CACNA1E: variants seen among roughly 807,000 people sequenced by gnomAD.
CACNA1E encodes the protein voltage-dependent R-type calcium channel subunit alpha-1E.
Under a neutral mutation model 259.2 loss-of-function variants are expected in CACNA1E, and 40 were observed. The observed-to-expected ratio is 0.15, with a 90% CI of 0.12 to 0.20. CACNA1E has a LOEUF of 0.20. Ranked by LOEUF, CACNA1E falls within the 10% of genes least tolerant of loss-of-function variation. CACNA1E has a pLI of 1.00. For missense variants in CACNA1E, 1,874 were observed against 3,040.1 expected (o/e 0.62, Z 9.02); for synonymous variants, 1,104 against 1,138.5 (o/e 0.97, Z 0.61).
chr1:181,484,328 C>T (rs185515061), intron 1 of CACNA1E, among the ~76,000 whole-genome samples: 3 of 152,274 alleles, frequency 2.0e-5, no homozygotes, highest in Non-Finnish European at 2.9e-5. Flanking sequence ...CTTCACATGC[C>T]GCCCTCTACA....
chr1:181,697,318 T>C (rs559341021), intron 7 of CACNA1E, among the ~76,000 whole-genome samples: 2 of 152,362 alleles, frequency 1.3e-5, no homozygotes, highest in African/African-American at 4.8e-5. Context: ...AACCTTGTTC[T>C]GTCAGTACTT....
chr1:181,337,331 A>ATT (rs58242351), intron 1 of CACNA1E, among the ~76,000 whole-genome samples: 16,227 of 150,494 alleles, frequency 0.11, 1,106 homozygotes, highest in Middle Eastern at 0.19. Flanking sequence ...AATTTTTTGT[A>ATT]TTTTTTTTTA....
At chr1:181,779,639 C>A (rs564877290) in intron 38 of CACNA1E, 9 of 268,442 alleles carry the variant, frequency 3.4e-5, no homozygotes, top group African/African-American at 1.8e-4. Flanking sequence ...CATGAGGGAA[C>A]CTTCATGTTG....
chr1:181,559,704 A>G (rs1196711003), intron 3 of CACNA1E, among the ~76,000 whole-genome samples: 1 of 152,176 alleles, frequency 6.6e-6, no homozygotes, highest in African/African-American at 2.4e-5. Flanking sequence ...CGGAGTGAGG[A>G]GGACAGCAGC....
rs1656694885 is a variant in CACNA1E, at chr1:181,742,738, C to T, written c.3719+3485C>T. ...AAAGCTGTGGTGTCCCCTGAGCCCT[C>T]CTGCCGAGGCGTGTGCCTGCCACCA... is the stretch of plus-strand genomic sequence containing the variant. On this transcript the variant is annotated intron_variant, in intron 25 of 47. Transcript: ENST00000367573. Among the ~76,000 whole-genome samples the T allele has an allele frequency of 3.3e-5, 5 of 152,176 alleles. No homozygotes were observed. The South Asian group carries it at 1.0e-3, about 31-fold the overall frequency.
chr1:181,580,865 C>G (rs565993055), intron 6 of CACNA1E, 89 bp downstream of exon 6: 8 of 1,153,648 alleles, frequency 6.9e-6, no homozygotes, highest in Admixed American at 3.9e-5. Context: ...AGTCCGGGGA[C>G]AGGGAGGGCT....
At chr1:181,631,808 G>A (rs763412592) in intron 6 of CACNA1E, among the ~76,000 whole-genome samples, 8 of 152,292 alleles carry the variant, frequency 5.3e-5, no homozygotes, top group Admixed American at 2.0e-4. Context: ...GAGGAACCCC[G>A]GGCTTGACCA....
intron 2 of CACNA1E, among the ~76,000 whole-genome samples, chr1:181,423,399 C>A (rs1051319842): frequency 1.3e-5 from 2 of 152,174 alleles, no homozygotes; most frequent in African/African-American, 4.8e-5. Flanking sequence ...AGCTGGGGTC[C>A]TGAGAGCCTG....
chr1:181,543,282 C>G (rs1050262205), intron 3 of CACNA1E, among the ~76,000 whole-genome samples: 1 of 152,070 alleles, frequency 6.6e-6, no homozygotes, highest in African/African-American at 2.4e-5. Context: ...GGGAGGGGAC[C>G]ACATTTTGGG....
At chr1:181,747,326 C>A (rs1177482442) in intron 25 of CACNA1E, among the ~76,000 whole-genome samples, 1 of 152,144 alleles carries the variant, frequency 6.6e-6, no homozygotes, top group Non-Finnish European at 1.5e-5. Context: ...GAAGAGGGGG[C>A]TGGGAGGTGA....
At chr1:181,607,854 A>C (rs1176223259) in intron 6 of CACNA1E, among the ~76,000 whole-genome samples, 1 of 152,158 alleles carries the variant, frequency 6.6e-6, no homozygotes. Context: ...CCTGGCAGGA[A>C]ATGGAAGGCA....
intron 22 of CACNA1E, among the ~76,000 whole-genome samples, chr1:181,737,007 A>C (rs1656105050): frequency 6.6e-6 from 1 of 152,186 alleles, no homozygotes; most frequent in African/African-American, 2.4e-5. Context: ...GAAGGGAGCA[A>C]CCTGAGTTAA....
chr1:181,777,892 A>T (rs565101188), intron 38 of CACNA1E, among the ~76,000 whole-genome samples: 2 of 152,358 alleles, frequency 1.3e-5, no homozygotes, highest in African/African-American at 4.8e-5. Flanking sequence ...TGAGCAAAAA[A>T]GTCCATTGTT....
At chr1:181,516,072 A>C (rs1014863091) in intron 3 of CACNA1E, among the ~76,000 whole-genome samples, 1 of 152,170 alleles carries the variant, frequency 6.6e-6, no homozygotes. Context: ...TAGGAAAATG[A>C]AAGCTGGGAG....
At chr1:181,387,751 A>C (rs1655956072) in intron 1 of CACNA1E, among the ~76,000 whole-genome samples, 1 of 152,204 alleles carries the variant, frequency 6.6e-6, no homozygotes, top group Admixed American at 6.5e-5. Context: ...ACGTATTTTC[A>C]TAGAATAACA....
chr1:181,332,427 A>G (rs1243807930), intron 1 of CACNA1E, among the ~76,000 whole-genome samples: 1 of 152,226 alleles, frequency 6.6e-6, no homozygotes, highest in Non-Finnish European at 1.5e-5. Context: ...TAAAAGATAC[A>G]AATTGTACCC....
chr1:181,661,353 C>T (rs1359887333), intron 7 of CACNA1E, among the ~76,000 whole-genome samples: 2 of 152,146 alleles, frequency 1.3e-5, no homozygotes, highest in Non-Finnish European at 2.9e-5. Flanking sequence ...GGCTGAAGTA[C>T]AGCGGTGGGG....
intron 1 of CACNA1E, among the ~76,000 whole-genome samples, chr1:181,347,881 A>T (rs1178097630): frequency 6.6e-6 from 1 of 152,252 alleles, no homozygotes; most frequent in Non-Finnish European, 1.5e-5. Context: ...TTATCAAGAA[A>T]TAACAATATC....
In CACNA1E at chr1:181,579,229, G is replaced by T; in HGVS notation, c.769+5G>T. 1 of 1,606,556 alleles carries T rather than the reference G, an allele frequency of 6.2e-7. No homozygotes were observed. Among genetic ancestry groups the T allele is most frequent in the Non-Finnish European group, 8.5e-7 (1 of 1,177,228 alleles). Reference sequence around the variant, plus strand: ...CATGCTTCATGAACAATTCAGGTAGGGTCGTTCTTTTCTGTCTTCTCCTTT... The same window carrying T: ...CATGCTTCATGAACAATTCAGGTAGTGTCGTTCTTTTCTGTCTTCTCCTTT... On this transcript the variant is annotated splice_donor_5th_base_variant and intron_variant, in intron 5 of 47. Coordinates refer to ENST00000367573, the MANE Select transcript of CACNA1E (RefSeq NM_001205293.3).
Sources: gnomAD v4.1 joint callset for allele counts (sites outside exome capture counted in the v4.1 genomes callset) on GRCh38, gnomAD v4.1.1 for gene constraint, MANE v1.5 for transcripts, NCBI Gene and HGNC (gene_info 2026-07-23, HGNC 2026-07-21) for gene names.